The following DIAPH2 variants were observed in gnomAD, a reference collection of about 807,000 sequenced individuals.
DIAPH2 encodes the protein diaphanous related formin 2.
Under a neutral mutation model 92.7 loss-of-function variants are expected in DIAPH2, and 35 were observed. That is an observed-to-expected ratio of 0.38 (90% CI 0.29 to 0.50). The LOEUF is 0.50. Ranked by LOEUF, DIAPH2 falls within the 20% of genes least tolerant of loss-of-function variation. The pLI, the probability that DIAPH2 is intolerant of heterozygous loss-of-function variation, is 0.94. For synonymous variants in DIAPH2, 301 were observed against 280.4 expected, an observed-to-expected ratio of 1.07 and a Z score of -0.73; for missense variants, 701 against 819.5, an observed-to-expected ratio of 0.86 and a Z score of 1.77.
At chrX:97,235,748 A>G (rs1317312684) in intron 22 of DIAPH2, among the ~76,000 whole-genome samples, 1 of 110,618 alleles carries the variant, frequency 9.0e-6, no homozygotes, top group African/African-American at 3.3e-5. Context: ...CTTCATCTCA[A>G]ATTTTTTTTT....
intron 10 of DIAPH2, among the ~76,000 whole-genome samples, chrX:96,932,909 C>T (rs1222650760): frequency 5.4e-5 from 6 of 111,310 alleles, no homozygotes; most frequent in Non-Finnish European, 7.5e-5. Context: ...ATCCATTAAC[C>T]ATACCCTATT....
At chrX:97,593,425 T>C (rs1293022687) in intron 26 of DIAPH2, among the ~76,000 whole-genome samples, 2 of 110,500 alleles carry the variant, frequency 1.8e-5, no homozygotes, top group East Asian at 5.6e-4. Flanking sequence ...GTGTGGAAAC[T>C]TACCTGACAT....
At chrX:97,011,445 T>G (rs900994372) in intron 17 of DIAPH2, among the ~76,000 whole-genome samples, 3 of 112,062 alleles carry the variant, frequency 2.7e-5, no homozygotes, top group Non-Finnish European at 5.6e-5. Context: ...GAGAAACTGG[T>G]GTGCAGATGA....
intron 22 of DIAPH2, among the ~76,000 whole-genome samples, chrX:97,209,655 T>C (rs2067824180): frequency 9.0e-6 from 1 of 111,280 alleles, no homozygotes; most frequent in African/African-American, 3.3e-5. Flanking sequence ...TTTATTTTAA[T>C]TACAGTTAAT....
intron 26 of DIAPH2, among the ~76,000 whole-genome samples, chrX:97,478,751 T>C (rs1311605917): frequency 8.9e-6 from 1 of 112,038 alleles, no homozygotes; most frequent in East Asian, 2.8e-4. Flanking sequence ...CAGTTAATGA[T>C]GATTCAATGC....
intron 26 of DIAPH2, among the ~76,000 whole-genome samples, chrX:97,555,216 C>T (rs1432246739): frequency 2.6e-4 from 29 of 111,932 alleles, no homozygotes; most frequent in African/African-American, 9.4e-4. Context: ...TCTGTTTTGA[C>T]TTAAACCCAT....
intron 26 of DIAPH2, among the ~76,000 whole-genome samples, chrX:97,456,003 C>A (rs1454595946): frequency 8.9e-6 from 1 of 112,247 alleles, no homozygotes; most frequent in Admixed American, 9.4e-5. Flanking sequence ...ATTCCTCTTA[C>A]CTCCTTCAGA....
intron 20 of DIAPH2, among the ~76,000 whole-genome samples, chrX:97,114,189 A>C (rs756689076): frequency 8.9e-6 from 1 of 112,010 alleles, no homozygotes; most frequent in Admixed American, 9.5e-5. Context: ...TCTTTAGAGT[A>C]TATATAAATA....
intron 22 of DIAPH2, among the ~76,000 whole-genome samples, chrX:97,166,364 A>G (rs189763235): frequency 3.6e-5 from 4 of 112,127 alleles, no homozygotes. Flanking sequence ...CCATAAAATG[A>G]TCAATTTTGA....
chrX:97,458,897 C>T (rs1051964579), intron 26 of DIAPH2, among the ~76,000 whole-genome samples: 10 of 111,461 alleles, frequency 9.0e-5, no homozygotes, highest in African/African-American at 3.3e-4. Context: ...GTCTGGGAAC[C>T]AACATGGGTA....
chrX:97,076,438 A>G (rs1175688063), intron 19 of DIAPH2, among the ~76,000 whole-genome samples: 1 of 111,321 alleles, frequency 9.0e-6, no homozygotes, highest in Non-Finnish European at 1.9e-5. Flanking sequence ...AGGCTGAGGC[A>G]GGAGAATCAC....
At chrX:96,962,350 T>TAC (rs1438718939) in intron 16 of DIAPH2, among the ~76,000 whole-genome samples, 1 of 64,385 alleles carries the variant, frequency 1.6e-5, no homozygotes, top group African/African-American at 7.5e-5. Context: ...TATATATATA[T>TAC]ACACATATAT....
At chrX:96,765,040 G>A (rs1236861986) in intron 4 of DIAPH2, among the ~76,000 whole-genome samples, 1 of 110,750 alleles carries the variant, frequency 9.0e-6, no homozygotes, top group Non-Finnish European at 1.9e-5. Flanking sequence ...CAGTCTCCTT[G>A]TCTTCAGTCT....
chrX:97,110,192 C>A (rs1334884678), intron 20 of DIAPH2, among the ~76,000 whole-genome samples: 2 of 111,492 alleles, frequency 1.8e-5, no homozygotes, highest in Admixed American at 9.5e-5. Flanking sequence ...AGACTCTGTG[C>A]TAGGTGCTCC....
At chrX:97,399,705 C>T (rs2147747865) in intron 25 of DIAPH2, among the ~76,000 whole-genome samples, 1 of 112,162 alleles carries the variant, frequency 8.9e-6, no homozygotes, top group African/African-American at 3.2e-5. Flanking sequence ...TAAGCAGCCT[C>T]TTTCTGTTTT....
At chrX:96,958,215 T>C in intron 16 of DIAPH2, 67 bp downstream of exon 16, 2 of 1,110,228 alleles carry the variant, frequency 1.8e-6, no homozygotes, top group Non-Finnish European at 2.4e-6. Flanking sequence ...GTGTACACAT[T>C]GTATAATGTT....
intron 4 of DIAPH2, among the ~76,000 whole-genome samples, chrX:96,793,119 C>A (rs2064512466): frequency 8.9e-6 from 1 of 112,064 alleles, no homozygotes; most frequent in African/African-American, 3.2e-5. Context: ...TTTGCTATAT[C>A]ATTTTACTAT....
At chrX:97,456,329 G>T (rs1237559014) in intron 26 of DIAPH2, among the ~76,000 whole-genome samples, 1 of 110,001 alleles carries the variant, frequency 9.1e-6, no homozygotes, top group East Asian at 2.9e-4. Context: ...GGAGCTTGCA[G>T]TGAGCCGAGA....
chrX:96,907,210 A>G (rs888665039), intron 5 of DIAPH2, among the ~76,000 whole-genome samples: 2 of 112,077 alleles, frequency 1.8e-5, no homozygotes, highest in African/African-American at 6.5e-5. Flanking sequence ...CTGATAAACT[A>G]CCTTACCTAA....
Sources: gnomAD v4.1 joint callset for allele counts (sites outside exome capture counted in the v4.1 genomes callset) on GRCh38, gnomAD v4.1.1 for gene constraint, MANE v1.5 for transcripts, NCBI Gene and HGNC (gene_info 2026-07-23, HGNC 2026-07-21) for gene names.